NID1: variants seen among roughly 807,000 people sequenced by gnomAD.
NID1 encodes nidogen 1.
In NID1, 76 loss-of-function variants were observed where a neutral mutation model predicts 130.6. That is an observed-to-expected ratio of 0.58 (90% CI 0.48 to 0.70). The LOEUF is 0.70. NID1 is among the 30% of genes least tolerant of loss of function. The pLI, the probability that NID1 is intolerant of heterozygous loss-of-function variation, is 0.00. For synonymous variants in NID1, 665 were observed against 675.1 expected, an observed-to-expected ratio of 0.98 and a Z score of 0.23; for missense variants, 1,517 against 1,664.8, an observed-to-expected ratio of 0.91 and a Z score of 1.54.
chr1:236,047,159 C>A (rs949873147), intron 2 of NID1, among the ~76,000 whole-genome samples: 4 of 152,122 alleles, frequency 2.6e-5, no homozygotes, highest in African/African-American at 9.7e-5. Context: ...AGGCAAGTTG[C>A]AAGTTTCCTG....
chr1:236,024,180 T>G lies in NID1; in HGVS notation c.2018A>C (p.Tyr673Ser). ...GGTGTCACACCCATGAGTGCCGATG[T>G]AGCAGGGATTCTGAAGAGCATCAGG... is the stretch of plus-strand genomic sequence containing the variant. The part of the protein sequence containing the change: ...GSPDALQNPC[Y>S]IGTHGCDTNA... Residue 673 changes from tyrosine to serine, a missense_variant, in exon 9 of 20, where the codon TAC (tyrosine) becomes TCC (serine). Tyr to Ser is a moderately radical substitution (Grantham distance 144). Around this residue, in one of 3 missense-constraint regions of NID1, gnomAD observed 1,329 missense variants for 1,429.2 expected, o/e 0.93. Transcript: ENST00000264187. 1 of 1,614,276 alleles carries G rather than the reference T, an allele frequency of 6.2e-7. No homozygotes were observed. Among genetic ancestry groups the G allele is most frequent in the Non-Finnish European group, 8.5e-7 (1 of 1,180,052 alleles).
chr1:236,048,451 C>T lies in NID1; in HGVS notation c.525+239G>A, dbSNP rs542544987. ...AACCCTATTTTTGCCACATAGCAGTCTTACCAGGAATTGCTTTGCTTTATG... is the reference window on the plus strand; with the variant it reads ...AACCCTATTTTTGCCACATAGCAGTTTTACCAGGAATTGCTTTGCTTTATG... On this transcript the variant is annotated intron_variant, in intron 2 of 19. Coordinates refer to ENST00000264187, the MANE Select transcript of NID1 (RefSeq NM_002508.3). Among the ~76,000 whole-genome samples the T allele has an allele frequency of 2.0e-5, 3 of 152,286 alleles. No individual in the cohort carries two copies. The South Asian group carries it at 6.2e-4, about 32-fold the overall frequency.
intron 14 of NID1, among the ~76,000 whole-genome samples, chr1:235,988,224 A>G (rs1657626180): frequency 6.6e-6 from 1 of 152,250 alleles, no homozygotes; most frequent in African/African-American, 2.4e-5. Flanking sequence ...AAAAATAGGC[A>G]AAAGGATTTA....
chr1:236,022,276 A>AAAAAT (rs780493820), intron 9 of NID1, among the ~76,000 whole-genome samples: 2 of 152,010 alleles, frequency 1.3e-5, no homozygotes, highest in Non-Finnish European at 2.9e-5. Flanking sequence ...CAAAAACAAT[A>AAAAAT]AAAATAAAAT....
chr1:235,989,026 T>TCA (rs1657650058), intron 14 of NID1, among the ~76,000 whole-genome samples: 1 of 152,034 alleles, frequency 6.6e-6, no homozygotes, highest in Non-Finnish European at 1.5e-5. Flanking sequence ...TCCCGTTGTT[T>TCA]CAGCATTCCC....
At chr1:235,983,805 T>C (rs1657501603) in intron 15 of NID1, among the ~76,000 whole-genome samples, 1 of 152,096 alleles carries the variant, frequency 6.6e-6, no homozygotes, top group Non-Finnish European at 1.5e-5. Flanking sequence ...CTCAAAGATA[T>C]GATACTTTTT....
intron 14 of NID1, among the ~76,000 whole-genome samples, chr1:235,989,100 A>G (rs1184444908): frequency 7.5e-6 from 1 of 134,072 alleles, no homozygotes; most frequent in African/African-American, 3.0e-5. Context: ...TTGAGACAAG[A>G]GTCTCATTCT....
rs57769010 is a variant in NID1, at chr1:236,063,153, C to CAAAA, written c.225+1698_225+1701dup. On this transcript the variant is annotated intron_variant, in intron 1 of 19. Coordinates refer to ENST00000264187, the MANE Select transcript of NID1 (RefSeq NM_002508.3). ...TGTGCAACAGAGTGAGACTTCATCT[C>CAAAA]AAAAAAAAAAAAAAAAAAAAAAGTA... Among the ~76,000 whole-genome samples, 715 of 79,638 alleles carry CAAAA rather than the reference C, an allele frequency of 9.0e-3. 38 individuals are homozygous for CAAAA. Among genetic ancestry groups the CAAAA allele is most frequent in the African/African-American group, 0.041 (650 of 15,726 alleles). The allele number at this position is 79,638 out of a possible 152,430, so 52.2% of individuals were successfully genotyped here. A position where few individuals can be genotyped will look rare whatever the true frequency, so the allele number is the denominator to read the frequency against.
At chr1:236,032,962 G>T (rs1001332241) in intron 5 of NID1, among the ~76,000 whole-genome samples, 2 of 152,150 alleles carry the variant, frequency 1.3e-5, no homozygotes, top group African/African-American at 2.4e-5. Context: ...AGAAGAAGAA[G>T]AATATCAGGG....
chr1:235,988,607 A>T (rs1249130058), intron 14 of NID1, among the ~76,000 whole-genome samples: 1 of 152,238 alleles, frequency 6.6e-6, no homozygotes, highest in African/African-American at 2.4e-5. Context: ...TATTTGCAAA[A>T]GCCAGAAGGT....
intron 8 of NID1, 130 bp from the exon 9 acceptor site, chr1:236,024,343 C>T (rs1658860918): frequency 9.5e-7 from 1 of 1,054,818 alleles, no homozygotes; most frequent in South Asian, 1.6e-5. Flanking sequence ...GAATGGGACA[C>T]CAGCCAATTC....
rs1658617932 is a variant in NID1, at chr1:236,017,150, A to G, written c.2252T>C (p.Val751Ala). 1 of 1,613,894 alleles carries G rather than the reference A, an allele frequency of 6.2e-7. No individual in the cohort carries two copies. Among genetic ancestry groups the G allele is most frequent in the African/African-American group, 1.3e-5 (1 of 74,930 alleles). ...GAAAAGTTACCTGGAGAACTTACCC[A>G]CACACGTTCCCTCATCTGAAAACTG... The part of the protein sequence containing the change: ...GYQFSDEGTC[V>A]AVVDQRPINY... The change falls in exon 10 of 20, where the codon GTG (valine) becomes GCG (alanine). Residue 751 changes from valine (V) to alanine (A), a missense_variant and splice_region_variant. Physicochemically the swap from Val to Ala is moderately conservative, Grantham distance 64 (BLOSUM62 0). Around this residue, in one of 3 missense-constraint regions of NID1, gnomAD observed 1,329 missense variants for 1,429.2 expected, o/e 0.93. Transcript: ENST00000264187.
chr1:236,029,840 C>G (rs910959615), intron 6 of NID1, 90 bp from the exon 7 acceptor site: 7 of 1,257,256 alleles, frequency 5.6e-6, no homozygotes, highest in Non-Finnish European at 8.0e-6. Flanking sequence ...GGGGTTGGTG[C>G]GAACGCTTCT....
At chr1:236,038,298 C>T in intron 4 of NID1, 45 bp from the exon 5 acceptor site, 1 of 1,587,686 alleles carries the variant, frequency 6.3e-7, no homozygotes, top group Non-Finnish European at 8.6e-7. Context: ...TTTCATGCAG[C>T]TCTAGCCCGG....
At chr1:236,008,230 A>G (rs900623143) in intron 12 of NID1, among the ~76,000 whole-genome samples, 2 of 152,218 alleles carry the variant, frequency 1.3e-5, no homozygotes, top group Non-Finnish European at 2.9e-5. Context: ...CAATCCATAC[A>G]CAGGGTGTGG....
intron 1 of NID1, among the ~76,000 whole-genome samples, chr1:236,063,492 A>T (rs1660103212): frequency 6.8e-6 from 1 of 146,260 alleles, no homozygotes; most frequent in Admixed American, 6.7e-5. Context: ...ATAAATAAAT[A>T]AATAAATAAA....
rs1189048296 is a variant in NID1, at chr1:236,032,673, A to C, written c.1286-21T>G. 1.9e-6 allele frequency: 3 copies of C among 1,612,956 alleles called. No individual in the cohort carries two copies. The South Asian group carries it at 3.3e-5, about 18-fold the overall frequency. On this transcript the variant is annotated intron_variant, in intron 5 of 19. Transcript: ENST00000264187. ...GGAACCTGAGCAAGAAAACAAAGAA[A>C]GAATATAGAGATCACTTCCAAGCCA... is the stretch of plus-strand genomic sequence containing the variant.
chr1:235,981,994 T>C (rs755663569), intron 15 of NID1, among the ~76,000 whole-genome samples: 6 of 152,192 alleles, frequency 3.9e-5, no homozygotes, highest in Non-Finnish European at 7.3e-5. Context: ...TGGGTATCCA[T>C]CATGCTGCAC....
Position 236,013,453 on chromosome 1 carries a change from A to G in NID1, c.2362T>C (p.Ser788Pro), listed in dbSNP as rs1658491964. The change falls in exon 11 of 20, where the codon TCC becomes CCC. Residue 788 changes from serine (S) to proline (P), a missense_variant. By Grantham distance (74) the Ser-to-Pro change is moderately conservative (BLOSUM62 -1). Transcript: ENST00000264187. ...TCCCCAGAAAAGCCTGGCAAGCAGG[A>G]ACAGGTGTAGGAGGAGCCTCCTGTG... Reference protein sequence around the residue: ...IYTGGSSYTCSCLPGFSGDGQ... With the variant: ...IYTGGSSYTCPCLPGFSGDGQ... 3.7e-6 allele frequency: 6 copies of G among 1,614,124 alleles called. No individual in the cohort carries two copies. The highest frequency in any genetic ancestry group is 3.3e-5 in the Admixed American group (2 of 60,024).
Sources: gnomAD v4.1 joint callset for allele counts (sites outside exome capture counted in the v4.1 genomes callset) on GRCh38, gnomAD v4.1.1 for gene constraint, gnomAD v4.1.1 regional missense constraint, MANE v1.5 for transcripts, NCBI Gene and HGNC (gene_info 2026-07-23, HGNC 2026-07-21) for gene names.